Variants in COLGALT1 observed in about 807,000 individuals in gnomAD.
COLGALT1 encodes the protein procollagen galactosyltransferase 1.
In COLGALT1, 43 loss-of-function variants were observed where a neutral mutation model predicts 60.8. The ratio of observed to expected loss-of-function variants is 0.71; its 90% CI spans 0.55 to 0.91. The LOEUF is 0.91. COLGALT1 is among the 40% of genes least tolerant of loss of function. COLGALT1 has a pLI of 0.00. For missense variants in COLGALT1, 845 were observed against 880.0 expected, an observed-to-expected ratio of 0.96 and a Z score of 0.50; for synonymous variants, 369 against 374.2, an observed-to-expected ratio of 0.99 and a Z score of 0.16.
intron 9 of COLGALT1, among the ~76,000 whole-genome samples, chr19:17,578,795 T>C (rs1442834603): frequency 6.6e-6 from 1 of 151,872 alleles, no homozygotes; most frequent in East Asian, 1.9e-4. Flanking sequence ...CGGATCACCT[T>C]AGGTCAGGAG....
intron 6 of COLGALT1, among the ~76,000 whole-genome samples, chr19:17,575,309 G>A (rs2076334808): frequency 6.6e-6 from 1 of 151,274 alleles, no homozygotes; most frequent in Non-Finnish European, 1.5e-5. Context: ...GCAGTGGCCC[G>A]ATCTCGGCTC....
chr19:17,579,873 G>C, intron 10 of COLGALT1: 1 of 467,952 alleles, frequency 2.1e-6, no homozygotes, highest in South Asian at 3.2e-5. Context: ...TGTGGTCAGG[G>C]TGGCAGGCGT....
intron 3 of COLGALT1, 21 bp downstream of exon 3, chr19:17,560,486 G>A (rs1160283270): frequency 6.3e-7 from 1 of 1,597,052 alleles, no homozygotes; most frequent in South Asian, 1.1e-5. Flanking sequence ...CAGCCGGCCG[G>A]ATATGGATCA....
chr19:17,581,817 A>G lies in COLGALT1; in HGVS notation c.*373A>G, dbSNP rs2076384554. On this transcript the variant is annotated 3_prime_UTR_variant, in exon 12 of 12. Coordinates refer to ENST00000252599, the MANE Select transcript of COLGALT1 (RefSeq NM_024656.4). ...CAAGCAGTTACTGATCAGATTAAGAATCAGGCACTAGTGATACACATTCAT... is the reference window on the plus strand; with the variant it reads ...CAAGCAGTTACTGATCAGATTAAGAGTCAGGCACTAGTGATACACATTCAT... 3.9e-6 allele frequency: 1 copy of G among 256,884 alleles called. No homozygotes were observed. Among genetic ancestry groups the G allele is most frequent in the Admixed American group, 4.9e-5 (1 of 20,264 alleles). 15.9% of individuals were successfully genotyped at this position (256,884 alleles called of 1,614,324 possible).
At position 17,579,597 on chromosome 19, in the gene COLGALT1, A is replaced by T; in HGVS notation, c.1382A>T (p.Asp461Val). ...LMRDVEREGL[D>V]WDLIYVGRKR... ...CGGGATGTGGAGCGGGAGGGCCTGG[A>T]CTGGGACCTCATGTGAGTGGGGGTC... is the stretch of plus-strand genomic sequence containing the variant. Residue 461 changes from aspartate (D) to valine (V), a missense_variant, in exon 10 of 12, where the codon GAC becomes GTC. By Grantham distance (152) the Asp-to-Val change is radical (BLOSUM62 -3). Transcript: ENST00000252599. 1.9e-6 allele frequency: 3 copies of T among 1,543,630 alleles called. No homozygotes were observed. The highest frequency in any genetic ancestry group is 2.6e-6 in the Non-Finnish European group (3 of 1,137,066).
intron 6 of COLGALT1, 134 bp from the exon 7 acceptor site, chr19:17,577,061 A>ATGTGGGCGGAGCCAGGTCGACTT: frequency 1.3e-6 from 1 of 745,288 alleles, no homozygotes; most frequent in South Asian, 1.6e-5. Context: ...GGCAGCGCTG[A>ATGTGGGCGGAGCCAGGTCGACTT]TGTGGGCGGA....
rs560862127 is a variant in COLGALT1 at position 17,573,733 on chromosome 19, T to C, written c.949+1131T>C. On this transcript the variant is annotated intron_variant, in intron 6 of 11. Coordinates refer to ENST00000252599, the MANE Select transcript of COLGALT1 (RefSeq NM_024656.4). ...AATAAAAAATAATTATCCCAGCTCT[T>C]TGGGAGGCCAAGGTGGGCGGATCCC... Among the ~76,000 whole-genome samples, 8 of 151,950 alleles carry C rather than the reference T, an allele frequency of 5.3e-5. No individual in the cohort carries two copies. In the East Asian group the frequency reaches 1.6e-3, roughly 30 times the overall value.
chr19:17,558,399 C>T (rs1218515672), intron 1 of COLGALT1, among the ~76,000 whole-genome samples: 2 of 148,672 alleles, frequency 1.3e-5, no homozygotes, highest in African/African-American at 4.9e-5. Flanking sequence ...CAAAAATTGC[C>T]GTGTGCGGTG....
At chr19:17,564,359 G>C (rs1038219690) in intron 3 of COLGALT1, among the ~76,000 whole-genome samples, 1 of 149,700 alleles carries the variant, frequency 6.7e-6, no homozygotes, top group African/African-American at 2.5e-5. Context: ...ACATATATAC[G>C]TGTGTGTGTG....
intron 6 of COLGALT1, among the ~76,000 whole-genome samples, chr19:17,576,573 C>CGT (rs2076341943): frequency 8.0e-6 from 1 of 125,386 alleles, no homozygotes; most frequent in African/African-American, 3.1e-5. Context: ...GGCTGAGAGT[C>CGT]GGGGCTGGGA....
intron 1 of COLGALT1, among the ~76,000 whole-genome samples, chr19:17,557,608 CT>C (rs145127046): frequency 0.062 from 9,186 of 148,888 alleles, 847 homozygotes; most frequent in African/African-American, 0.21. Context: ...CTGAGATATA[CT>C]TTTTTTTTTG....
In COLGALT1 at chr19:17,555,730, G is replaced by T; in HGVS notation, c.17G>T (p.Arg6Leu). The change falls in exon 1 of 12, where the codon CGC becomes CTC. Residue 6 changes from arginine (R) to leucine (L), a missense_variant. Physicochemically the swap from Arg to Leu is moderately radical, Grantham distance 102. Coordinates refer to ENST00000252599, the MANE Select transcript of COLGALT1 (RefSeq NM_024656.4). MAAAP[R>L]AGRRRGQPLL... ...CGTGGCGCGATGGCGGCGGCCCCAC[G>T]CGCGGGCCGGCGGCGCGGGCAGCCG... 8.3e-7 allele frequency: 1 copy of T among 1,199,086 alleles called. No homozygotes were observed. Among genetic ancestry groups the T allele is most frequent in the South Asian group, 4.2e-5 (1 of 23,840 alleles). The allele number at this position is 1,199,086 out of a possible 1,614,324, so 74.3% of individuals were successfully genotyped here.
chr19:17,560,414 G>A lies in COLGALT1; in HGVS notation c.438G>A (p.Leu146=). Residue 146 remains leucine (L), a synonymous_variant, in exon 3 of 12, where the codon TTG becomes TTA. Transcript: ENST00000252599. The part of the protein sequence containing the change: ...SDSRYEHVMK[L]RQAALKSARD... ...CACGCTACGAGCATGTCATGAAGTT[G>A]CGCCAGGCAGCCCTGAAATCAGCTC... The A allele has an allele frequency of 1.2e-6, 2 of 1,614,156 alleles. No homozygotes were observed. The highest frequency in any genetic ancestry group is 1.1e-5 in the South Asian group (1 of 91,086).
chr19:17,579,262 G>A (rs375493930), intron 9 of COLGALT1, among the ~76,000 whole-genome samples: 3 of 152,176 alleles, frequency 2.0e-5, no homozygotes, highest in East Asian at 1.9e-4. Context: ...TGCATGAGGC[G>A]TGGGCATTTG....
rs1467876864 is a variant in COLGALT1 at position 17,579,584 on chromosome 19, C to T, written c.1369C>T (p.Arg457Trp). The change falls in exon 10 of 12, where the codon CGG (arginine) becomes TGG (tryptophan). Residue 457 changes from arginine to tryptophan, a missense_variant. Coordinates refer to ENST00000252599, the MANE Select transcript of COLGALT1 (RefSeq NM_024656.4). ...GATGAACCTCATGCGGGATGTGGAGCGGGAGGGCCTGGACTGGGACCTCAT... is the reference window on the plus strand; with the variant it reads ...GATGAACCTCATGCGGGATGTGGAGTGGGAGGGCCTGGACTGGGACCTCAT... ...RLMNLMRDVE[R>W]EGLDWDLIYV... is the part of the protein sequence containing the mutation. The T allele has an allele frequency of 4.4e-6, 6 of 1,358,066 alleles. No individual in the cohort carries two copies. The highest frequency in any genetic ancestry group is 2.4e-5 in the South Asian group (2 of 83,968). 84.1% of individuals were successfully genotyped at this position (1,358,066 alleles called of 1,614,324 possible).
intron 5 of COLGALT1, among the ~76,000 whole-genome samples, chr19:17,570,431 A>C (rs540403844): frequency 1.3e-5 from 2 of 151,822 alleles, no homozygotes; most frequent in Non-Finnish European, 1.5e-5. Context: ...GTTTTTGTAG[A>C]GATGGGGTCT....
chr19:17,572,380 G>A, intron 5 of COLGALT1, 103 bp from the exon 6 acceptor site: 1 of 1,564,700 alleles, frequency 6.4e-7, no homozygotes, highest in Non-Finnish European at 8.7e-7. Context: ...CTGACCTCAA[G>A]CGATCCTCCT....
At chr19:17,576,556 T>TGGCCACGGCTGAGAGTCGG (rs2144841679) in intron 6 of COLGALT1, among the ~76,000 whole-genome samples, 1 of 127,884 alleles carries the variant, frequency 7.8e-6, no homozygotes, top group Non-Finnish European at 1.6e-5. Flanking sequence ...GCCCAGGGCG[T>TGGCCACGGCTGAGAGTCGG]GGCCACGGCT....
intron 3 of COLGALT1, among the ~76,000 whole-genome samples, chr19:17,563,932 TAAAAAAAATA>T (rs773218947): frequency 2.8e-4 from 43 of 151,616 alleles, no homozygotes; most frequent in Non-Finnish European, 5.0e-4. Flanking sequence ...TACTTGCAGG[TAAAAAAAATA>T]AATAAAAATA....
Sources: gnomAD v4.1 joint callset for allele counts (sites outside exome capture counted in the v4.1 genomes callset) on GRCh38, gnomAD v4.1.1 for gene constraint, MANE v1.5 for transcripts, NCBI Gene and HGNC (gene_info 2026-07-23, HGNC 2026-07-21) for gene names.